The following RANBP2 variants were observed in gnomAD, a reference collection of about 807,000 sequenced individuals.
RANBP2 encodes the protein E3 SUMO-protein ligase RanBP2.
In RANBP2, 57 loss-of-function variants were observed where a neutral mutation model predicts 303.6. The observed-to-expected ratio is 0.19, with a 90% CI of 0.15 to 0.23. The LOEUF is 0.23. RANBP2 is among the 10% of genes least tolerant of loss of function. The probability of loss-of-function intolerance (pLI) is 1.00; values close to 1 mark genes in which losing one functional copy is unlikely to be tolerated. For synonymous variants in RANBP2, 1,167 were observed against 1,301.5 expected, an observed-to-expected ratio of 0.90 and a Z score of 2.23; for missense variants, 3,138 against 3,780.8, an observed-to-expected ratio of 0.83 and a Z score of 4.46.
At chr2:108,866,484 T>G in the RANBP2 span, among the ~76,000 whole-genome samples, 1 of 152,236 alleles carries the variant, frequency 6.6e-6, no homozygotes, top group Non-Finnish European at 1.5e-5. Context: ...TGGTACCAGT[T>G]TACATGTGTA....
chr2:109,295,750 C>T, the RANBP2 span, among the ~76,000 whole-genome samples: 2 of 152,132 alleles, frequency 1.3e-5, no homozygotes, highest in Non-Finnish European at 2.9e-5. Context: ...ACCTGAATCT[C>T]CCATGGTTGT....
At chr2:109,615,336 C>T in the RANBP2 span, 2 of 1,611,980 alleles carry the variant, frequency 1.2e-6, no homozygotes, top group Non-Finnish European at 8.5e-7. Flanking sequence ...GTGGGACAGC[C>T]TGGAGGGCTT....
chr2:108,912,688 G>C, the RANBP2 span: 1 of 1,594,604 alleles, frequency 6.3e-7, no homozygotes, highest in South Asian at 1.1e-5. Context: ...CTTTGTGGGC[G>C]TGCTGGAAGG....
the RANBP2 span, among the ~76,000 whole-genome samples, chr2:108,985,860 GCC>G: frequency 1.3e-5 from 2 of 152,318 alleles, no homozygotes; most frequent in East Asian, 3.9e-4. Flanking sequence ...GGATGAAGGA[GCC>G]CATTCATTCA....
the RANBP2 span, among the ~76,000 whole-genome samples, chr2:109,400,640 G>T: frequency 1.3e-5 from 2 of 151,834 alleles, no homozygotes; most frequent in African/African-American, 4.8e-5. Flanking sequence ...ACATACACCC[G>T]TGCACACATG....
the RANBP2 span, among the ~76,000 whole-genome samples, chr2:109,021,524 G>GAAAA: frequency 4.0e-4 from 48 of 120,126 alleles, 2 homozygotes; most frequent in South Asian, 1.2e-3. Context: ...CTCCGTCTCA[G>GAAAA]AAAAAAAAAA....
At chr2:109,320,358 C>T in the RANBP2 span, among the ~76,000 whole-genome samples, 1 of 152,174 alleles carries the variant, frequency 6.6e-6, no homozygotes, top group African/African-American at 2.4e-5. Context: ...TTCCCAAGCC[C>T]ACCTGAGCAG....
the RANBP2 span, among the ~76,000 whole-genome samples, chr2:109,110,718 T>C: frequency 6.6e-6 from 1 of 152,194 alleles, no homozygotes; most frequent in South Asian, 2.1e-4. Context: ...AAAAATTTCA[T>C]GTTTCTGTTT....
chr2:109,420,491 G>A, the RANBP2 span, among the ~76,000 whole-genome samples: 5,834 of 152,202 alleles, frequency 0.038, 122 homozygotes, highest in African/African-American at 0.062. Flanking sequence ...TGTCTCCCAG[G>A]CTGGAGTGCA....
chr2:108,738,164 T>C (rs1030113868), intron 6 of RANBP2, among the ~76,000 whole-genome samples: 17 of 151,118 alleles, frequency 1.1e-4, no homozygotes, highest in South Asian at 6.3e-4. Context: ...CAAGCTCTGT[T>C]TCCAGGGTTC....
chr2:109,535,499 G>C, the RANBP2 span, among the ~76,000 whole-genome samples: 17 of 152,302 alleles, frequency 1.1e-4, no homozygotes, highest in Non-Finnish European at 1.5e-4. Flanking sequence ...GGGCTGTTTT[G>C]AGTTGTGTAG....
the RANBP2 span, among the ~76,000 whole-genome samples, chr2:109,191,801 G>A: frequency 6.6e-6 from 1 of 152,186 alleles, no homozygotes; most frequent in Non-Finnish European, 1.5e-5. Context: ...AAAGTCCCCA[G>A]GTTGGGACTG....
the RANBP2 span, among the ~76,000 whole-genome samples, chr2:109,316,164 G>T: frequency 0.31 from 47,360 of 152,018 alleles, 9,129 homozygotes; most frequent in African/African-American, 0.55. Context: ...GTTCAGAGCT[G>T]GTTTTGCTGA....
At chr2:109,188,759 G>A in the RANBP2 span, among the ~76,000 whole-genome samples, 788 of 152,222 alleles carry the variant, frequency 5.2e-3, 7 homozygotes, top group African/African-American at 0.018. Context: ...AGACACCATC[G>A]CAGAAGCCAA....
the RANBP2 span, among the ~76,000 whole-genome samples, chr2:108,819,651 G>A: frequency 6.6e-6 from 1 of 152,206 alleles, no homozygotes; most frequent in African/African-American, 2.4e-5. Flanking sequence ...GAAGAATTTG[G>A]ATGGTCCCAA....
At chr2:109,364,950 G>C in the RANBP2 span, among the ~76,000 whole-genome samples, 1 of 152,120 alleles carries the variant, frequency 6.6e-6, no homozygotes, top group Non-Finnish European at 1.5e-5. Context: ...AATTAACTGG[G>C]TGTAGTGGCA....
At position 108,739,563 on chromosome 2, in the gene RANBP2, G is replaced by T. The variant is rs572092563; in HGVS notation, c.783-926G>T. On this transcript the variant is annotated intron_variant, in intron 6 of 28. Coordinates refer to ENST00000283195, the MANE Select transcript of RANBP2 (RefSeq NM_006267.5). ...AGATCTTTAGACCTCACTTGCTCTG[G>T]TTGCTTTATTGTAAGCCACTTTAAA... is the stretch of plus-strand genomic sequence containing the variant. Among the ~76,000 whole-genome samples the T allele has an allele frequency of 1.3e-5, 2 of 152,294 alleles. 1 individual carries two copies. The highest frequency in any genetic ancestry group is 1.3e-4 in the Admixed American group (2 of 15,296).
chr2:109,291,775 G>C, the RANBP2 span, among the ~76,000 whole-genome samples: 1 of 152,228 alleles, frequency 6.6e-6, no homozygotes, highest in Non-Finnish European at 1.5e-5. Flanking sequence ...AAGGTCTCCA[G>C]TTTCAGGTGA....
the RANBP2 span, among the ~76,000 whole-genome samples, chr2:109,678,281 G>A: frequency 6.6e-6 from 1 of 152,228 alleles, no homozygotes. Flanking sequence ...TCACACCCAA[G>A]AACTACTTTG....
Sources: allele counts gnomAD v4.1 joint callset (sites outside exome capture counted in the v4.1 genomes callset), GRCh38; gene constraint gnomAD v4.1.1; transcripts MANE v1.5; gene names NCBI Gene and HGNC (gene_info 2026-07-23, HGNC 2026-07-21).